Variants in SKP2 observed in about 807,000 individuals in gnomAD.
The protein encoded by SKP2 is S-phase kinase associated protein 2.
SKP2 carries 16 observed loss-of-function variants against 51.8 expected under a neutral mutation model. The ratio of observed to expected loss-of-function variants is 0.31; its 90% confidence interval spans 0.21 to 0.47. The LOEUF (loss-of-function observed/expected upper bound fraction) is 0.47, where lower values mean the gene tolerates loss of function less well. SKP2 is among the 20% of genes least tolerant of loss of function. The probability of loss-of-function intolerance (pLI) is 1.00; values close to 1 mark genes in which losing one functional copy is unlikely to be tolerated. For synonymous variants in SKP2, 176 were observed against 198.6 expected (o/e 0.89, Z 0.96); for missense variants, 377 against 505.3 (o/e 0.75, Z 2.43).
At chr5:36,159,100 G>T (rs1438068269) in intron 2 of SKP2, among the ~76,000 whole-genome samples, 2 of 152,192 alleles carry the variant, frequency 1.3e-5, no homozygotes, top group Non-Finnish European at 2.9e-5. Context: ...GCAAATCTGG[G>T]CATGGGGCCT....
At position 36,152,182 on chromosome 5, in the gene SKP2, C is replaced by A. The variant is rs1167592667; in HGVS notation, c.-81C>A. On this transcript the variant is annotated 5_prime_UTR_variant, in exon 1 of 10. Coordinates refer to ENST00000274255, the MANE Select transcript of SKP2 (RefSeq NM_005983.4). ...GCCCGAGCAGCACGCTCGGAGCCGC[C>A]GCGCGCCAAAGCGGGAATCTGGGAG... 6.6e-6 allele frequency: 10 copies of A among 1,514,120 alleles called. No individual in the cohort carries two copies. Among genetic ancestry groups the A allele is most frequent in the Non-Finnish European group, 9.2e-6 (10 of 1,090,660 alleles). 93.8% of individuals were successfully genotyped at this position (1,514,120 alleles called of 1,614,324 possible).
Position 36,183,327 on chromosome 5 carries a change from T to C in SKP2, c.*1296T>C. 2.5e-6 allele frequency: 1 copy of C among 405,452 alleles called. No homozygotes were observed. The highest frequency in any genetic ancestry group is 1.6e-4 in the East Asian group (1 of 6,114). The allele number at this position is 405,452 out of a possible 1,614,324, so 25.1% of individuals were successfully genotyped here. On this transcript the variant is annotated 3_prime_UTR_variant, in exon 10 of 10. Transcript: ENST00000274255. ...TGTCACCAAGGCCGGAGTGCAGTGG[T>C]GCGATCTCGGCTCACTGCAAGCTCC...
At chr5:36,164,374 G>A (rs1331855771) in intron 3 of SKP2, among the ~76,000 whole-genome samples, 1 of 152,220 alleles carries the variant, frequency 6.6e-6, no homozygotes, top group Non-Finnish European at 1.5e-5. Context: ...CTTTTCAAGT[G>A]TGGAAGGTGA....
intron 6 of SKP2, among the ~76,000 whole-genome samples, chr5:36,189,941 C>G (rs148134632): frequency 0.062 from 9,398 of 152,192 alleles, 1,025 homozygotes; most frequent in African/African-American, 0.22. Flanking sequence ...CCCCTAGCCT[C>G]GCTGCTGCCT....
intron 3 of SKP2, 104 bp from the exon 4 acceptor site, chr5:36,166,415 T>TC: frequency 1.1e-6 from 1 of 936,394 alleles, no homozygotes. Context: ...AGAATATGCT[T>TC]CAAGGAGATT....
chr5:36,190,215 GCACCCAC>G (rs1745994659), intron 6 of SKP2, among the ~76,000 whole-genome samples: 1 of 3,048 alleles, frequency 3.3e-4, no homozygotes, highest in Admixed American at 1.9e-3. Flanking sequence ...TCGGTGTGCT[GCACCCAC>G]TGTCCTGCAC....
chr5:36,160,299 T>C (rs1167061957), intron 2 of SKP2, among the ~76,000 whole-genome samples: 1 of 152,214 alleles, frequency 6.6e-6, no homozygotes, highest in East Asian at 1.9e-4. Flanking sequence ...AGATTCAAAA[T>C]AGCTAAGTAT....
chr5:36,170,346 C>T lies in SKP2; in HGVS notation c.674C>T (p.Thr225Ile), dbSNP rs759798637. The T allele has an allele frequency of 1.2e-6, 2 of 1,600,196 alleles. No individual in the cohort carries two copies. Among genetic ancestry groups the T allele is most frequent in the African/African-American group, 2.7e-5 (2 of 74,560 alleles). Residue 225 changes from threonine (T) to isoleucine (I), a missense_variant and splice_region_variant, in exon 6 of 10, where the codon ACT becomes ATT. By Grantham distance (89) the Thr-to-Ile change is moderately conservative. Around this residue, in one of 2 missense-constraint regions of SKP2, gnomAD observed 262 missense variants for 389.8 expected, o/e 0.67. Transcript: ENST00000274255. ...GLRLSDPIVN[T>I]LAKNSNLVRL... Reference sequence around the variant, plus strand: ...CTGACGTTTTTCTCTTTTTCCAGTACTCTCGCAAAAAACTCAAATTTAGTG... The same window carrying T: ...CTGACGTTTTTCTCTTTTTCCAGTATTCTCGCAAAAAACTCAAATTTAGTG...
downstream of SKP2, among the ~76,000 whole-genome samples, chr5:36,187,947 A>C (rs563327778): frequency 6.6e-6 from 1 of 152,200 alleles, no homozygotes; most frequent in Non-Finnish European, 1.5e-5. Context: ...TATTTAGGAT[A>C]GTTAGCTCTT....
At chr5:36,192,036 T>A (rs899544523) in intron 6 of SKP2, among the ~76,000 whole-genome samples, 1 of 152,210 alleles carries the variant, frequency 6.6e-6, no homozygotes, top group East Asian at 1.9e-4. Flanking sequence ...TTAAAATCAC[T>A]ATATTTAAGG....
intron 2 of SKP2, chr5:36,155,220 T>TTA (rs397727226): frequency 1.3e-5 from 2 of 150,750 alleles, no homozygotes; most frequent in Non-Finnish European, 3.0e-5. Flanking sequence ...ATTCCACTTT[T>TTA]AATTAAGAAA....
At chr5:36,172,658 A>C (rs1745511074) in intron 7 of SKP2, among the ~76,000 whole-genome samples, 1 of 152,240 alleles carries the variant, frequency 6.6e-6, no homozygotes, top group Admixed American at 6.5e-5. Flanking sequence ...TCTGCAGAAT[A>C]GATCTTAAAA....
At chr5:36,168,759 A>G (rs1745376471) in intron 5 of SKP2, among the ~76,000 whole-genome samples, 2 of 152,252 alleles carry the variant, frequency 1.3e-5, no homozygotes, top group Non-Finnish European at 2.9e-5. Context: ...TGGTTAAGCT[A>G]TAGTTTACCT....
chr5:36,158,823 C>T (rs951688415), intron 2 of SKP2, among the ~76,000 whole-genome samples: 1 of 152,124 alleles, frequency 6.6e-6, no homozygotes, highest in Non-Finnish European at 1.5e-5. Context: ...TGCATGTTTT[C>T]TTGAAGCCCC....
Position 36,181,928 on chromosome 5 carries a change from C to G in SKP2, c.1172C>G (p.Ser391Cys). Residue 391 changes from serine to cysteine, a missense_variant, in exon 10 of 10, where the codon TCC becomes TGC. Physicochemically the swap from Ser to Cys is moderately radical, Grantham distance 112 (BLOSUM62 -1). Coordinates refer to ENST00000274255, the MANE Select transcript of SKP2 (RefSeq NM_005983.4). ...EALPHLQINC[S>C]HFTTIARPTI... ...CTTCCTCATCTACAGATTAATTGCTCCCATTTCACCACCATTGCCAGGCCA... is the reference window on the plus strand; with the variant it reads ...CTTCCTCATCTACAGATTAATTGCTGCCATTTCACCACCATTGCCAGGCCA... The G allele has an allele frequency of 1.2e-6, 2 of 1,614,146 alleles. No homozygotes were observed.
chr5:36,189,706 C>G (rs997248424), intron 6 of SKP2, among the ~76,000 whole-genome samples: 1 of 152,220 alleles, frequency 6.6e-6, no homozygotes, highest in South Asian at 2.1e-4. Context: ...ATTCTCAGAT[C>G]TCAAACTCTG....
intron 2 of SKP2, among the ~76,000 whole-genome samples, chr5:36,160,101 C>T (rs1273625747): frequency 2.6e-5 from 4 of 152,160 alleles, no homozygotes; most frequent in Non-Finnish European, 5.9e-5. Flanking sequence ...TCCTTTCCTG[C>T]AGGTAAAGAA....
intron 7 of SKP2, among the ~76,000 whole-genome samples, chr5:36,172,729 A>G (rs1016518816): frequency 5.9e-5 from 9 of 152,218 alleles, no homozygotes; most frequent in Non-Finnish European, 1.0e-4. Flanking sequence ...GTATAAAGCT[A>G]TAGAAAATAA....
intron 5 of SKP2, 143 bp downstream of exon 5, chr5:36,168,590 T>C: frequency 1.4e-6 from 1 of 720,784 alleles, no homozygotes; most frequent in Non-Finnish European, 2.3e-6. Context: ...TCTGCAAAAC[T>C]TTTCAGGACT....
Sources: allele counts gnomAD v4.1 joint callset (sites outside exome capture counted in the v4.1 genomes callset), GRCh38; gene constraint gnomAD v4.1.1; regional missense constraint gnomAD v4.1.1; transcripts MANE v1.5; gene names NCBI Gene and HGNC (gene_info 2026-07-23, HGNC 2026-07-21).